The following PPP2R5C variants were observed in gnomAD, a reference collection of about 807,000 sequenced individuals.
PPP2R5C encodes serine/threonine-protein phosphatase 2A 56 kDa regulatory subunit gamma isoform.
A neutral mutation model predicts 68.9 loss-of-function variants in PPP2R5C; 7 were observed. That is an observed-to-expected ratio of 0.10 (90% CI 0.06 to 0.19). The LOEUF (loss-of-function observed/expected upper bound fraction) is 0.19. PPP2R5C is among the 10% of genes least tolerant of loss of function. PPP2R5C has a pLI of 1.00. For synonymous variants in PPP2R5C, 210 were observed against 222.2 expected, an observed-to-expected ratio of 0.95 and a Z score of 0.49; for missense variants, 348 against 641.3, an observed-to-expected ratio of 0.54 and a Z score of 4.94.
Position 101,915,161 on chromosome 14 carries a change from C to G in PPP2R5C, c.1327-2670C>G, listed in dbSNP as rs2046597742. On this transcript the variant is annotated intron_variant, in intron 12 of 13. Transcript: ENST00000334743. This position sits in a 1 kb window ranked among gnomAD's most constrained non-coding sequence, Gnocchi z 4.2. Reference sequence around the variant, plus strand: ...GCGTGATCTCGGCTCACCACAACCTCCGCCTCCCAGGTTCAAGCAGTCCTC... The same window carrying G: ...GCGTGATCTCGGCTCACCACAACCTGCGCCTCCCAGGTTCAAGCAGTCCTC... 6.6e-6 allele frequency among the ~76,000 whole-genome samples: 1 copy of G among 152,172 alleles called. No homozygotes were observed. Among genetic ancestry groups the G allele is most frequent in the Admixed American group, 6.5e-5 (1 of 15,280 alleles).
At chr14:101,788,754 T>C (rs2038234270) in intron 3 of PPP2R5C, among the ~76,000 whole-genome samples, 3 of 152,326 alleles carry the variant, frequency 2.0e-5, no homozygotes, top group South Asian at 2.1e-4. Flanking sequence ...GTATATATAC[T>C]AAAATAATTT....
chr14:101,865,441 G>A (rs759738416), intron 2 of PPP2R5C, among the ~76,000 whole-genome samples: 7 of 152,184 alleles, frequency 4.6e-5, no homozygotes, highest in Non-Finnish European at 8.8e-5. Flanking sequence ...CCTTGATCCC[G>A]TTGCCGTAAC....
intron 2 of PPP2R5C, among the ~76,000 whole-genome samples, chr14:101,785,069 C>T (rs1323663641): frequency 6.6e-6 from 1 of 152,130 alleles, no homozygotes; most frequent in Admixed American, 6.5e-5. Context: ...GGGGTGTTGA[C>T]CAGCCCTGGA....
At position 101,866,271 on chromosome 14, in the gene PPP2R5C, T is replaced by G. The variant is rs547356517; in HGVS notation, c.294+9386T>G. Reference sequence around the variant, plus strand: ...TAGTTAGATTAGTTTAAATGGTGATTGGAAGATTAAAAATACATGGTCTGA... The same window carrying G: ...TAGTTAGATTAGTTTAAATGGTGATGGGAAGATTAAAAATACATGGTCTGA... On this transcript the variant is annotated intron_variant, in intron 2 of 13. Transcript: ENST00000334743. Among the ~76,000 whole-genome samples, 20 of 152,334 alleles carry G rather than the reference T, an allele frequency of 1.3e-4. No homozygotes were observed. In the East Asian group the frequency reaches 3.9e-3, roughly 29 times the overall value.
chr14:101,762,710 G>C (rs1034839218), intron 1 of PPP2R5C, among the ~76,000 whole-genome samples, 195 bp from the exon 2 acceptor site: 3 of 152,104 alleles, frequency 2.0e-5, no homozygotes, highest in African/African-American at 7.2e-5. Context: ...AAAACGAAAA[G>C]AATCTGAATG....
Position 101,923,329 on chromosome 14 carries a change from T to A in PPP2R5C, c.1444-1812T>A, listed in dbSNP as rs138295319. Among the ~76,000 whole-genome samples, 357 of 152,378 alleles carry A rather than the reference T, an allele frequency of 2.3e-3. 2 individuals are homozygous for A. The highest frequency in any genetic ancestry group is 7.6e-3 in the African/African-American group (317 of 41,594). The stretch of plus-strand genomic sequence containing the variant: ...TCACTGGTTCCAGCTCCAAGCTTTT[T>A]ACTGTTGCCTTTTTCTATGAATATG... On this transcript the variant is annotated intron_variant, in intron 13 of 13. Coordinates refer to ENST00000334743, the Ensembl canonical transcript of PPP2R5C.
chr14:101,827,223 G>A (rs895223364), intron 1 of PPP2R5C, among the ~76,000 whole-genome samples: 56 of 151,912 alleles, frequency 3.7e-4, no homozygotes, highest in Admixed American at 2.0e-3. Flanking sequence ...TGATCTGCCC[G>A]CCTTGACCTC....
intron 1 of PPP2R5C, among the ~76,000 whole-genome samples, chr14:101,846,881 G>C (rs2041859877): frequency 1.3e-5 from 2 of 152,192 alleles, no homozygotes; most frequent in Non-Finnish European, 2.9e-5. Flanking sequence ...AAAATCCTCT[G>C]ATTCAAATCT....
At chr14:101,793,226 A>G (rs560805207) in intron 3 of PPP2R5C, among the ~76,000 whole-genome samples, 2 of 152,166 alleles carry the variant, frequency 1.3e-5, no homozygotes, top group Non-Finnish European at 2.9e-5. Flanking sequence ...TAGTAAATAT[A>G]TTAGCAACCA....
chr14:101,913,763 T>G lies in PPP2R5C; in HGVS notation c.1326+1290T>G, dbSNP rs2046508011. ...CCTGACGCTGCCCTGCGTGTCTTGC[T>G]TTGTTCTGAAGAGCCTCAGGCAAAG... is the stretch of plus-strand genomic sequence containing the variant. On this transcript the variant is annotated intron_variant, in intron 12 of 13. Coordinates refer to ENST00000334743, the Ensembl canonical transcript of PPP2R5C. This position sits in a 1 kb window ranked among gnomAD's most constrained non-coding sequence, Gnocchi z 4.1. 6.6e-6 allele frequency among the ~76,000 whole-genome samples: 1 copy of G among 152,188 alleles called. No individual in the cohort carries two copies. The highest frequency in any genetic ancestry group is 1.5e-5 in the Non-Finnish European group (1 of 68,028).
chr14:101,880,804 A>G (rs2044120779), intron 2 of PPP2R5C, among the ~76,000 whole-genome samples: 1 of 152,172 alleles, frequency 6.6e-6, no homozygotes. Context: ...TTAAGAGGAA[A>G]AAAGAAAAGG....
intron 1 of PPP2R5C, among the ~76,000 whole-genome samples, chr14:101,816,912 TA>T (rs1566864474): frequency 1.4e-5 from 2 of 140,456 alleles, no homozygotes; most frequent in African/African-American, 5.3e-5. Flanking sequence ...ATATATATAA[TA>T]TATATATTTA....
At chr14:101,844,967 G>A (rs920903759) in intron 1 of PPP2R5C, among the ~76,000 whole-genome samples, 4 of 152,160 alleles carry the variant, frequency 2.6e-5, no homozygotes, top group African/African-American at 7.2e-5. Context: ...CGGGCTGCAC[G>A]AAGGGTGTTG....
chr14:101,786,903 A>G (rs2038115891), intron 3 of PPP2R5C, among the ~76,000 whole-genome samples: 1 of 152,150 alleles, frequency 6.6e-6, no homozygotes, highest in Non-Finnish European at 1.5e-5. Context: ...ATAAAATAAC[A>G]TTTTTCATAC....
chr14:101,806,594 ATAT>A (rs1320580364), upstream of PPP2R5C, among the ~76,000 whole-genome samples: 3 of 152,158 alleles, frequency 2.0e-5, no homozygotes, highest in Admixed American at 6.5e-5. Flanking sequence ...ATCAATTATA[ATAT>A]TATTAACTCC....
At chr14:101,772,712 CT>C (rs1184857688) in intron 2 of PPP2R5C, among the ~76,000 whole-genome samples, 2 of 152,140 alleles carry the variant, frequency 1.3e-5, no homozygotes, top group Non-Finnish European at 2.9e-5. Flanking sequence ...AGGAGAATCC[CT>C]GAAACCCAGG....
chr14:101,841,742 C>T lies in PPP2R5C; in HGVS notation c.95-14944C>T, dbSNP rs899004345. Among the ~76,000 whole-genome samples, 7 of 152,154 alleles carry T rather than the reference C, an allele frequency of 4.6e-5. No individual in the cohort carries two copies. The East Asian group carries it at 1.2e-3, about 25-fold the overall frequency. On this transcript the variant is annotated intron_variant, in intron 1 of 13. Transcript: ENST00000334743. The stretch of plus-strand genomic sequence containing the variant: ...TTCTGGGAGGCAGGGGAGGGGAGCA[C>T]CTGTCAAAGGGGACCCTTTGAGGCC...
intron 1 of PPP2R5C, among the ~76,000 whole-genome samples, chr14:101,834,384 CT>C (rs1169707062): frequency 6.6e-6 from 1 of 152,204 alleles, no homozygotes; most frequent in Non-Finnish European, 1.5e-5. Flanking sequence ...AACAAAAAGT[CT>C]TCTCAAAAAA....
At chr14:101,824,210 A>T in intron 1 of PPP2R5C, 1 of 1,205,848 alleles carries the variant, frequency 8.3e-7, no homozygotes, top group Non-Finnish European at 1.1e-6. Context: ...CTTAATGAGT[A>T]ATTCTTAGGA....
Sources: allele counts gnomAD v4.1 joint callset (sites outside exome capture counted in the v4.1 genomes callset), GRCh38; gene constraint gnomAD v4.1.1; non-coding constraint Gnocchi (gnomAD v3.1); transcripts MANE v1.5; gene names NCBI Gene and HGNC (gene_info 2026-07-23, HGNC 2026-07-21).